The following NDUFB3 variants were observed in gnomAD, a reference collection of about 807,000 sequenced individuals.
NDUFB3 encodes the protein NADH:ubiquinone oxidoreductase subunit B3.
Under a neutral mutation model 9.0 loss-of-function variants are expected in NDUFB3, and 7 were observed. The ratio of observed to expected loss-of-function variants is 0.78; its 90% CI spans 0.44 to 1.46. NDUFB3 has a LOEUF of 1.46. NDUFB3 is among the 40% of genes most tolerant of loss of function. The pLI is 0.01. For missense variants in NDUFB3, 93 were observed against 115.4 expected (o/e 0.81, Z 0.89); for synonymous variants, 29 against 38.5 (o/e 0.75, Z 0.91).
At chr2:201,084,508 G>A (rs2047266948) in intron 2 of NDUFB3, among the ~76,000 whole-genome samples, 2 of 151,700 alleles carry the variant, frequency 1.3e-5, no homozygotes, top group Admixed American at 1.3e-4. Context: ...ATGGTGGTGT[G>A]TGCCTGTAAT....
intron 1 of NDUFB3, chr2:201,072,501 C>A (rs1011977001): frequency 2.0e-5 from 3 of 152,170 alleles, no homozygotes; most frequent in African/African-American, 7.2e-5. Context: ...CTTCTTATTT[C>A]TTTCTTAGGG....
At chr2:201,076,033 G>A (rs55743505) in intron 1 of NDUFB3, among the ~76,000 whole-genome samples, 4,447 of 152,196 alleles carry the variant, frequency 0.029, 108 homozygotes, top group Middle Eastern at 0.088. Context: ...AATGGTCTTC[G>A]TTTGTAATAA....
intron 2 of NDUFB3, 44 bp from the exon 3 acceptor site, chr2:201,085,415 C>T: frequency 6.9e-7 from 1 of 1,449,906 alleles, no homozygotes; most frequent in Non-Finnish European, 9.4e-7. Context: ...CGTATATACA[C>T]ACACGTTGTG....
intron 2 of NDUFB3, among the ~76,000 whole-genome samples, chr2:201,082,781 T>G (rs2047242985): frequency 7.2e-6 from 1 of 139,440 alleles, no homozygotes; most frequent in Admixed American, 7.4e-5. Context: ...TGGCGCAATC[T>G]CGGCTCACTG....
At position 201,085,726 on chromosome 2, in the gene NDUFB3, C is replaced by A. The variant is rs1575548592; in HGVS notation, c.*111C>A. 3.4e-5 allele frequency: 26 copies of A among 768,074 alleles called. No individual in the cohort carries two copies. Among genetic ancestry groups the A allele is most frequent in the South Asian group, 1.2e-4 (4 of 33,034 alleles). 47.6% of individuals were successfully genotyped at this position (768,074 alleles called of 1,614,324 possible). On this transcript the variant is annotated 3_prime_UTR_variant, in exon 3 of 3. Transcript: ENST00000237889. ...TTACAGAATATTAGTAAGATTTAATCAATTAAAATATATATATATGCCAAT... is the reference window on the plus strand; with the variant it reads ...TTACAGAATATTAGTAAGATTTAATAAATTAAAATATATATATATGCCAAT...
intron 2 of NDUFB3, among the ~76,000 whole-genome samples, chr2:201,083,931 G>T (rs1452697819): frequency 6.6e-6 from 1 of 152,108 alleles, no homozygotes; most frequent in Non-Finnish European, 1.5e-5. Context: ...CAAGGCAGGC[G>T]GATCACTTAA....
chr2:201,078,177 C>A (rs2047185565), intron 1 of NDUFB3, among the ~76,000 whole-genome samples: 1 of 152,156 alleles, frequency 6.6e-6, no homozygotes, highest in South Asian at 2.1e-4. Flanking sequence ...TGGCGGGCAC[C>A]TGTAGTCCCA....
intron 1 of NDUFB3, chr2:201,072,446 T>C (rs977777107): frequency 1.8e-4 from 28 of 152,346 alleles, no homozygotes; most frequent in African/African-American, 6.3e-4. Flanking sequence ...ATATACTTGA[T>C]AGTCTTCGGT....
At chr2:201,080,288 A>T (rs1331760346) in intron 2 of NDUFB3, among the ~76,000 whole-genome samples, 1 of 152,170 alleles carries the variant, frequency 6.6e-6, no homozygotes, top group Non-Finnish European at 1.5e-5. Context: ...TTTGACACTC[A>T]ATGTGGGTGG....
In NDUFB3 at chr2:201,085,456, T is replaced by C. The variant is rs113008846; in HGVS notation, c.141-3T>C. On this transcript the variant is annotated splice_region_variant and splice_polypyrimidine_tract_variant and intron_variant, in intron 2 of 2. Transcript: ENST00000237889. Reference sequence around the variant, plus strand: ...TTATAATTTTTTCTTTTTTTTTTTCTAGCAATGAAGCTTGGAGATACATGG... The same window carrying C: ...TTATAATTTTTTCTTTTTTTTTTTCCAGCAATGAAGCTTGGAGATACATGG... 1.3e-6 allele frequency: 2 copies of C among 1,578,234 alleles called. No individual in the cohort carries two copies. Among genetic ancestry groups the C allele is most frequent in the Non-Finnish European group, 1.7e-6 (2 of 1,166,324 alleles).
chr2:201,073,349 A>G (rs1053597794), intron 1 of NDUFB3, among the ~76,000 whole-genome samples: 5 of 152,186 alleles, frequency 3.3e-5, no homozygotes, highest in African/African-American at 1.2e-4. Context: ...TTTTGCATGT[A>G]GTTTTTTGTT....
At position 201,082,755 on chromosome 2, in the gene NDUFB3, G is replaced by A. The variant is rs1318827387; in HGVS notation, c.141-2704G>A. Among the ~76,000 whole-genome samples the A allele has an allele frequency of 8.2e-5, 11 of 133,446 alleles. No homozygotes were observed. In the South Asian group the frequency reaches 9.6e-4, roughly 12 times the overall value. 87.5% of individuals were successfully genotyped at this position (133,446 alleles called of 152,430 possible). A position where few individuals can be genotyped will look rare whatever the true frequency, so the allele number is the denominator to read the frequency against. On this transcript the variant is annotated intron_variant, in intron 2 of 2. Coordinates refer to ENST00000237889, the MANE Select transcript of NDUFB3 (RefSeq NM_002491.3). ...GGAGTCTCACTCTGTCGCCCAGGCC[G>A]GACTGCGGACTGCAGTGGCGCAATC...
At chr2:201,082,114 C>A (rs1228241683) in intron 2 of NDUFB3, among the ~76,000 whole-genome samples, 1 of 151,906 alleles carries the variant, frequency 6.6e-6, no homozygotes, top group Non-Finnish European at 1.5e-5. Flanking sequence ...CCGCGCCAGG[C>A]CTAATTTTTG....
intron 1 of NDUFB3, among the ~76,000 whole-genome samples, chr2:201,074,056 G>A (rs1420150651): frequency 6.6e-6 from 1 of 151,996 alleles, no homozygotes; most frequent in Non-Finnish European, 1.5e-5. Context: ...AGGTTCAAGT[G>A]ATTCTTCTGT....
chr2:201,083,799 C>T (rs1477390456), intron 2 of NDUFB3, among the ~76,000 whole-genome samples: 1 of 152,160 alleles, frequency 6.6e-6, no homozygotes, highest in East Asian at 1.9e-4. Flanking sequence ...GGAGTGAACC[C>T]TACTTCATTA....
intron 2 of NDUFB3, among the ~76,000 whole-genome samples, chr2:201,082,423 C>T (rs1297413231): frequency 6.6e-6 from 1 of 151,746 alleles, no homozygotes; most frequent in African/African-American, 2.4e-5. Context: ...TGCCGCCATG[C>T]CCAGCTAATT....
Position 201,085,734 on chromosome 2 carries a change from A to G in NDUFB3, c.*119A>G, listed in dbSNP as rs2047285305. 1.5e-6 allele frequency: 1 copy of G among 655,510 alleles called. No homozygotes were observed. The highest frequency in any genetic ancestry group is 2.2e-6 in the Non-Finnish European group (1 of 445,642). The allele number at this position is 655,510 out of a possible 1,614,324, so 40.6% of individuals were successfully genotyped here. A position where few individuals can be genotyped will look rare whatever the true frequency, so the allele number is the denominator to read the frequency against. The stretch of plus-strand genomic sequence containing the variant: ...TATTAGTAAGATTTAATCAATTAAA[A>G]TATATATATATGCCAATCTGCTTTT... On this transcript the variant is annotated 3_prime_UTR_variant, in exon 3 of 3. Coordinates refer to ENST00000237889, the MANE Select transcript of NDUFB3 (RefSeq NM_002491.3).
intron 1 of NDUFB3, among the ~76,000 whole-genome samples, chr2:201,078,464 G>A (rs527959797): frequency 6.6e-6 from 1 of 152,146 alleles, no homozygotes; most frequent in Non-Finnish European, 1.5e-5. Context: ...CATTATTTAA[G>A]TTCAAAGAGT....
intron 1 of NDUFB3, chr2:201,072,386 A>G (rs1475243301): frequency 1.8e-4 from 27 of 152,194 alleles, no homozygotes. Flanking sequence ...TTTGTTTTTT[A>G]TGTTCTAATA....
Sources: allele counts gnomAD v4.1 joint callset (sites outside exome capture counted in the v4.1 genomes callset), GRCh38; gene constraint gnomAD v4.1.1; transcripts MANE v1.5; gene names NCBI Gene and HGNC (gene_info 2026-07-23, HGNC 2026-07-21).